The following UTP15 variants were observed in gnomAD, a reference collection of about 807,000 sequenced individuals.
UTP15 encodes U3 small nucleolar RNA-associated protein 15 homolog.
In UTP15, 5 loss-of-function variants were observed where a neutral mutation model predicts 59.1. That is an observed-to-expected ratio of 0.08 (90% CI 0.04 to 0.18). UTP15 has a LOEUF of 0.18. Among genes scored for constraint, UTP15 ranks in the 10% least tolerant of loss-of-function variants. The probability of loss-of-function intolerance (pLI) is 1.00; values close to 1 mark genes in which losing one functional copy is unlikely to be tolerated. For missense variants in UTP15, 494 were observed against 616.7 expected (o/e 0.80, Z 2.11); for synonymous variants, 211 against 212.2 (o/e 0.99, Z 0.05).
At chr5:73,568,693 A>C (rs572536401) in intron 4 of UTP15, 89 bp downstream of exon 4, 2 of 1,257,038 alleles carry the variant, frequency 1.6e-6, no homozygotes, top group East Asian at 4.8e-5. Context: ...GATAGAGATC[A>C]GTTTTATGGA....
Position 73,570,719 on chromosome 5 carries a change from T to C in UTP15, c.673+8T>C. ...GTCTTCTGGTGTCAGCAGGTACTTCTTAAAAATAGCTTTCACCAATATTGT... is the reference window on the plus strand; with the variant it reads ...GTCTTCTGGTGTCAGCAGGTACTTCCTAAAAATAGCTTTCACCAATATTGT... On this transcript the variant is annotated splice_region_variant and intron_variant, in intron 6 of 12. Coordinates refer to ENST00000296792, the MANE Select transcript of UTP15 (RefSeq NM_032175.4). 1.2e-6 allele frequency: 2 copies of C among 1,609,464 alleles called. No individual in the cohort carries two copies. The highest frequency in any genetic ancestry group is 1.7e-6 in the Non-Finnish European group (2 of 1,178,762).
upstream of UTP15, chr5:73,565,741 G>T (rs988474752): frequency 6.6e-6 from 3 of 456,056 alleles, no homozygotes; most frequent in Non-Finnish European, 1.3e-5. Context: ...GCGTGCTCTG[G>T]TACGTCATCT....
Position 73,567,309 on chromosome 5 carries a change from A to G in UTP15, c.-36A>G. 6.9e-7 allele frequency: 1 copy of G among 1,448,862 alleles called. No homozygotes were observed. Among genetic ancestry groups the G allele is most frequent in the Non-Finnish European group, 9.4e-7 (1 of 1,060,888 alleles). The allele number at this position is 1,448,862 out of a possible 1,614,324, so 89.8% of individuals were successfully genotyped here. On this transcript the variant is annotated 5_prime_UTR_variant, in exon 2 of 13. In the 5' UTR this introduces an upstream ATG that the reference lacks. Coordinates refer to ENST00000296792, the MANE Select transcript of UTP15 (RefSeq NM_032175.4). ...TTATTTCTAATACCAATTCCAAAAT[A>G]GTGACTCTTGGACAATAGTGCAATT...
At position 73,582,167 on chromosome 5, in the gene UTP15, A is replaced by G. The variant is rs1014765567; in HGVS notation, c.*2073A>G. The G allele has an allele frequency of 2.6e-5, 4 of 152,228 alleles. No individual in the cohort carries two copies. Among genetic ancestry groups the G allele is most frequent in the Non-Finnish European group, 2.9e-5 (2 of 68,046 alleles). 9.4% of individuals were successfully genotyped at this position (152,228 alleles called of 1,614,324 possible). On this transcript the variant is annotated 3_prime_UTR_variant, in exon 13 of 13. Transcript: ENST00000296792. The stretch of plus-strand genomic sequence containing the variant: ...CATTTAACATTGAGTTAACGAAAGT[A>G]GTTGATTCACTCTCGAAGTCCCTGA...
chr5:73,576,513 C>T lies in UTP15; in HGVS notation c.810-439C>T, dbSNP rs188316150. ...TTTTTAGACAGAGCTTTGCTCTTGTCGCCCAGGCTGGAGTGCAGTGGCACA... is the reference window on the plus strand; with the variant it reads ...TTTTTAGACAGAGCTTTGCTCTTGTTGCCCAGGCTGGAGTGCAGTGGCACA... On this transcript the variant is annotated intron_variant, in intron 7 of 12. Transcript: ENST00000296792. 8.9e-3 allele frequency among the ~76,000 whole-genome samples: 1,277 copies of T among 143,554 alleles called. 28 individuals are homozygous for T. The highest frequency in any genetic ancestry group is 0.067 in the Admixed American group (977 of 14,534). The allele number at this position is 143,554 out of a possible 152,430, so 94.2% of individuals were successfully genotyped here. A position where few individuals can be genotyped will look rare whatever the true frequency, so the allele number is the denominator to read the frequency against.
chr5:73,568,178 G>A (rs2112037970), intron 2 of UTP15, 57 bp from the exon 3 acceptor site: 5 of 1,243,840 alleles, frequency 4.0e-6, no homozygotes, highest in Non-Finnish European at 4.5e-6. Flanking sequence ...ATTATGTAAT[G>A]CATAAATAGG....
intron 1 of UTP15, among the ~76,000 whole-genome samples, 196 bp from the exon 2 acceptor site, chr5:73,567,066 T>C (rs1181719252): frequency 6.6e-6 from 1 of 152,220 alleles, no homozygotes; most frequent in Non-Finnish European, 1.5e-5. Context: ...TGTGTACAGC[T>C]GAATAGATGG....
At chr5:73,571,656 C>T (rs1438936115) in intron 6 of UTP15, among the ~76,000 whole-genome samples, 3 of 150,224 alleles carry the variant, frequency 2.0e-5, no homozygotes, top group East Asian at 3.9e-4. Flanking sequence ...TAAGTTGAGG[C>T]GGGATGTGGT....
rs1748148058 is a variant in UTP15, at chr5:73,577,865, G to A, written c.904G>A (p.Glu302Lys). Residue 302 changes from glutamate (E) to lysine (K), a missense_variant, in exon 9 of 13, where the codon GAG (glutamate) becomes AAG (lysine). Glu to Lys is a moderately conservative substitution (Grantham distance 56, BLOSUM62 1). Transcript: ENST00000296792. The stretch of plus-strand genomic sequence containing the variant: ...TTCTAATTGTTATTAGCATGAAGAT[G>A]AGACAATAGTTGTAGGAATGACCAA... ...ILSLALAHED[E>K]TIVVGMTNGI... is the part of the protein sequence containing the mutation. 6.3e-7 allele frequency: 1 copy of A among 1,583,024 alleles called. No homozygotes were observed. The highest frequency in any genetic ancestry group is 2.3e-5 in the East Asian group (1 of 42,944).
At chr5:73,576,045 A>G (rs1200003510) in intron 7 of UTP15, among the ~76,000 whole-genome samples, 3 of 149,682 alleles carry the variant, frequency 2.0e-5, no homozygotes, top group Non-Finnish European at 1.5e-5. Flanking sequence ...TTTACTCCCA[A>G]GTTTGATCTT....
At chr5:73,575,769 C>G (rs888610636) in intron 7 of UTP15, among the ~76,000 whole-genome samples, 4 of 151,264 alleles carry the variant, frequency 2.6e-5, no homozygotes, top group African/African-American at 4.9e-5. Flanking sequence ...GTTGCCCAGG[C>G]TGGAGTGCAA....
At chr5:73,572,425 T>C in intron 6 of UTP15, 64 bp from the exon 7 acceptor site, 2 of 1,587,896 alleles carry the variant, frequency 1.3e-6, no homozygotes, top group Non-Finnish European at 1.7e-6. Flanking sequence ...AGAATGCTTT[T>C]CAGATCTTTA....
intron 8 of UTP15, 98 bp from the exon 9 acceptor site, chr5:73,577,758 T>C (rs754221740): frequency 4.8e-5 from 50 of 1,038,470 alleles, no homozygotes; most frequent in Non-Finnish European, 6.6e-5. Context: ...GGTGAATGTA[T>C]GGACAAGCAG....
chr5:73,568,142 G>T, intron 2 of UTP15, 93 bp from the exon 3 acceptor site: 1 of 942,336 alleles, frequency 1.1e-6, no homozygotes, highest in South Asian at 2.2e-5. Flanking sequence ...ATGTTACTAA[G>T]AACAAAGAGA....
At chr5:73,566,918 C>G (rs1033575091) in intron 1 of UTP15, among the ~76,000 whole-genome samples, 1 of 152,176 alleles carries the variant, frequency 6.6e-6, no homozygotes, top group Non-Finnish European at 1.5e-5. Flanking sequence ...CTTGTATTTG[C>G]AGTTTCACCT....
intron 6 of UTP15, among the ~76,000 whole-genome samples, chr5:73,571,716 G>A (rs1006619977): frequency 6.6e-6 from 1 of 152,006 alleles, no homozygotes; most frequent in African/African-American, 2.4e-5. Flanking sequence ...CAGGCGGATA[G>A]CTTGAGTCCA....
At chr5:73,575,013 T>G (rs1748050512) in intron 7 of UTP15, among the ~76,000 whole-genome samples, 1 of 152,240 alleles carries the variant, frequency 6.6e-6, no homozygotes, top group Non-Finnish European at 1.5e-5. Flanking sequence ...TTGTAATACC[T>G]AATACAATGC....
At position 73,568,460 on chromosome 5, in the gene UTP15, C is replaced by A. The variant is rs753151202; in HGVS notation, c.224C>A (p.Thr75Asn). ...CGATACTCCCAAGAACCTATAAAAACCTTTTCTCGATTTAAAGACACAGCA... is the reference window on the plus strand; with the variant it reads ...CGATACTCCCAAGAACCTATAAAAAACTTTTCTCGATTTAAAGACACAGCA... ...YGRYSQEPIKTFSRFKDTAYC... is the reference protein window; with the variant it reads ...YGRYSQEPIKNFSRFKDTAYC... The change falls in exon 4 of 13, where the codon ACC becomes AAC. Residue 75 changes from threonine to asparagine, a missense_variant. By Grantham distance (65) the Thr-to-Asn change is moderately conservative (BLOSUM62 0). Transcript: ENST00000296792. The A allele has an allele frequency of 6.2e-7, 1 of 1,613,404 alleles. No individual in the cohort carries two copies. Among genetic ancestry groups the A allele is most frequent in the South Asian group, 1.1e-5 (1 of 91,010 alleles).
chr5:73,566,534 T>G (rs1269232758), intron 1 of UTP15, among the ~76,000 whole-genome samples: 1 of 152,250 alleles, frequency 6.6e-6, no homozygotes, highest in African/African-American at 2.4e-5. Context: ...CTATTTATCG[T>G]GGTGTTACTA....
Sources: gnomAD v4.1 joint callset for allele counts (sites outside exome capture counted in the v4.1 genomes callset) on GRCh38, gnomAD v4.1.1 for gene constraint, MANE v1.5 for transcripts, NCBI Gene and HGNC (gene_info 2026-07-23, HGNC 2026-07-21) for gene names.